Variants in COL26A1 observed in about 807,000 individuals in gnomAD.
COL26A1 encodes collagen type XXVI alpha 1 chain.
COL26A1 carries 41 observed loss-of-function variants against 59.3 expected under a neutral mutation model. The ratio of observed to expected loss-of-function variants is 0.69; its 90% CI spans 0.54 to 0.90. The LOEUF (loss-of-function observed/expected upper bound fraction) is 0.90, where lower values mean the gene tolerates loss of function less well. Among genes scored for constraint, COL26A1 ranks in the 40% least tolerant of loss-of-function variants. The probability of loss-of-function intolerance (pLI) is 0.00; values close to 1 mark genes in which losing one functional copy is unlikely to be tolerated. For missense variants in COL26A1, 612 were observed against 602.3 expected (o/e 1.02, Z -0.17); for synonymous variants, 266 against 256.0 (o/e 1.04, Z -0.37).
intron 3 of COL26A1, among the ~76,000 whole-genome samples, chr7:101,460,136 G>T (rs1793575185): frequency 6.6e-6 from 1 of 152,158 alleles, no homozygotes; most frequent in Non-Finnish European, 1.5e-5. Context: ...CGAGTGCATA[G>T]CACGTTCCGG....
chr7:101,454,222 G>T (rs1793412010), intron 3 of COL26A1, among the ~76,000 whole-genome samples: 1 of 151,726 alleles, frequency 6.6e-6, no homozygotes, highest in Admixed American at 6.6e-5. Context: ...AAACTGCAAA[G>T]AAGTGTCCTG....
At position 101,468,755 on chromosome 7, in the gene COL26A1, G is replaced by A. The variant is rs907270702; in HGVS notation, c.385+20968G>A. Among the ~76,000 whole-genome samples, 13 of 152,180 alleles carry A rather than the reference G, an allele frequency of 8.5e-5. No individual in the cohort carries two copies. The South Asian group carries it at 1.2e-3, about 15-fold the overall frequency. ...ACTGTGGGAGGAGGGAGGGGGAGAC[G>A]CATTCACTTCCTTTCCACTTCTTCT... On this transcript the variant is annotated intron_variant, in intron 3 of 12. Coordinates refer to ENST00000313669, the MANE Select transcript of COL26A1 (RefSeq NM_001278563.3).
intron 1 of COL26A1, among the ~76,000 whole-genome samples, chr7:101,364,866 G>A (rs1384488407): frequency 1.3e-5 from 2 of 152,176 alleles, no homozygotes; most frequent in South Asian, 2.1e-4. Flanking sequence ...CACCACGCCA[G>A]GCCCAGATCT....
chr7:101,551,857 G>A (rs1256268049), intron 10 of COL26A1, among the ~76,000 whole-genome samples: 1 of 152,210 alleles, frequency 6.6e-6, no homozygotes, highest in African/African-American at 2.4e-5. Context: ...GAGGAGGAGT[G>A]GAGCTTTGCT....
intron 1 of COL26A1, among the ~76,000 whole-genome samples, chr7:101,370,823 C>T (rs140365667): frequency 1.1e-3 from 171 of 152,300 alleles, no homozygotes; most frequent in African/African-American, 4.0e-3. Flanking sequence ...TTTGGTAGAA[C>T]CACAAGCACC....
intron 3 of COL26A1, among the ~76,000 whole-genome samples, chr7:101,517,746 G>C (rs1795059030): frequency 6.6e-6 from 1 of 151,574 alleles, no homozygotes. Context: ...ACAGGGTTGG[G>C]GTGCTCCAGG....
chr7:101,507,619 G>A lies in COL26A1; in HGVS notation c.386-25463G>A, dbSNP rs182254061. ...TTTGTAATAGAGATGGGGTTTCTCC[G>A]TGTTGCTCAGGCTGGTCTCCAACTC... On this transcript the variant is annotated intron_variant, in intron 3 of 12. Transcript: ENST00000313669. Among the ~76,000 whole-genome samples, 250 of 150,094 alleles carry A rather than the reference G, an allele frequency of 1.7e-3. 3 individuals are homozygous for A. Among genetic ancestry groups the A allele is most frequent in the African/African-American group, 5.4e-3 (220 of 41,074 alleles).
intron 3 of COL26A1, among the ~76,000 whole-genome samples, chr7:101,463,632 TTCCTTCCTTCCA>T (rs145444225): frequency 0.22 from 14,001 of 64,706 alleles, 1,438 homozygotes; most frequent in African/African-American, 0.37. Context: ...CCCCTCTTCC[TTCCTTCCTTCCA>T]TCCTTCCATC....
chr7:101,422,163 T>G (rs558979191), intron 2 of COL26A1, among the ~76,000 whole-genome samples: 13 of 151,992 alleles, frequency 8.6e-5, no homozygotes, highest in South Asian at 4.2e-4. Context: ...AATACGAAAA[T>G]TAGCCAGACG....
rs73414922 is a variant in COL26A1 at position 101,400,930 on chromosome 7, C to T, written c.159-19047C>T. Among the ~76,000 whole-genome samples the T allele has an allele frequency of 9.1e-3, 1,392 of 152,186 alleles. 19 individuals carry two copies. Among genetic ancestry groups the T allele is most frequent in the African/African-American group, 0.032 (1,310 of 41,520 alleles). On this transcript the variant is annotated intron_variant, in intron 1 of 12. Transcript: ENST00000313669. The stretch of plus-strand genomic sequence containing the variant: ...ATGTGGGCCCTGCGCTAAACCCGAA[C>T]GAGGGGTGGGGAGATGCGGAGACGG...
intron 1 of COL26A1, among the ~76,000 whole-genome samples, chr7:101,385,999 C>T (rs1214899429): frequency 6.6e-6 from 1 of 152,216 alleles, no homozygotes; most frequent in Non-Finnish European, 1.5e-5. Context: ...GCGTGAGCCA[C>T]CGCGCCCGGC....
chr7:101,375,318 A>G (rs1791288294), intron 1 of COL26A1, among the ~76,000 whole-genome samples: 1 of 151,874 alleles, frequency 6.6e-6, no homozygotes, highest in African/African-American at 2.4e-5. Context: ...AGGAGGCCAT[A>G]TGAAAGGATA....
At position 101,539,958 on chromosome 7, in the gene COL26A1, C is replaced by G; in HGVS notation, c.513C>G (p.Ser171Arg). Reference protein sequence around the residue: ...SPDNDLPAPESTPPTWNEDFL... With the variant: ...SPDNDLPAPERTPPTWNEDFL... ...ACAACGACCTGCCAGCCCCCGAGAG[C>G]ACTCCGCCGACCTGGAATGAGGACT... Residue 171 changes from serine to arginine, a missense_variant, in exon 5 of 13, where the codon AGC becomes AGG. By Grantham distance (110) the Ser-to-Arg change is moderately radical (BLOSUM62 -1). Transcript: ENST00000313669. 3.1e-6 allele frequency: 5 copies of G among 1,613,706 alleles called. No homozygotes were observed. The highest frequency in any genetic ancestry group is 4.2e-6 in the Non-Finnish European group (5 of 1,179,844).
intron 1 of COL26A1, among the ~76,000 whole-genome samples, chr7:101,412,028 A>T (rs1375421949): frequency 1.3e-5 from 2 of 152,122 alleles, no homozygotes; most frequent in African/African-American, 4.8e-5. Flanking sequence ...GCATGAGATC[A>T]ACCCTCAAAG....
chr7:101,477,042 C>G (rs1468320696), intron 3 of COL26A1, among the ~76,000 whole-genome samples: 1 of 151,896 alleles, frequency 6.6e-6, no homozygotes, highest in African/African-American at 2.4e-5. Flanking sequence ...CCAGATTTCA[C>G]CATGTTGGCC....
At chr7:101,390,599 A>C (rs1261837667) in intron 1 of COL26A1, among the ~76,000 whole-genome samples, 3 of 151,558 alleles carry the variant, frequency 2.0e-5, no homozygotes, top group Non-Finnish European at 2.9e-5. Context: ...CTACTTTTTA[A>C]ATTTTTTGAG....
intron 1 of COL26A1, among the ~76,000 whole-genome samples, chr7:101,406,353 G>A (rs768917086): frequency 2.0e-5 from 3 of 151,948 alleles, no homozygotes; most frequent in Non-Finnish European, 4.4e-5. Context: ...ACATACACTC[G>A]GCTATTCCTA....
intron 3 of COL26A1, among the ~76,000 whole-genome samples, chr7:101,501,804 C>A (rs566177309): frequency 1.3e-5 from 2 of 152,106 alleles, no homozygotes; most frequent in Non-Finnish European, 2.9e-5. Flanking sequence ...GAGCTGTGTA[C>A]AAGCGTGGAC....
chr7:101,509,792 A>G (rs2130581503), intron 3 of COL26A1, among the ~76,000 whole-genome samples: 1 of 151,912 alleles, frequency 6.6e-6, no homozygotes, highest in African/African-American at 2.4e-5. Context: ...CAGTGGTGCG[A>G]GCTTGGATCA....
Sources: allele counts gnomAD v4.1 joint callset (sites outside exome capture counted in the v4.1 genomes callset), GRCh38; gene constraint gnomAD v4.1.1; transcripts MANE v1.5; gene names NCBI Gene and HGNC (gene_info 2026-07-23, HGNC 2026-07-21).